GPC5: variants seen among roughly 807,000 people sequenced by gnomAD.
The protein encoded by GPC5 is glypican 5.
Under a neutral mutation model 53.9 loss-of-function variants are expected in GPC5, and 47 were observed. The observed-to-expected ratio is 0.87, with a 90% confidence interval of 0.69 to 1.11. The LOEUF is 1.11. Ranked by LOEUF, GPC5 falls within the 50% of genes most tolerant of loss-of-function variation. The pLI is 0.00. For missense variants in GPC5, 748 were observed against 713.1 expected (o/e 1.05, Z -0.56); for synonymous variants, 286 against 263.3 (o/e 1.09, Z -0.84).
intron 7 of GPC5, among the ~76,000 whole-genome samples, chr13:92,323,844 G>A (rs568194789): frequency 3.4e-4 from 52 of 151,954 alleles, no homozygotes; most frequent in African/African-American, 1.3e-3. Context: ...ATATTAGGGT[G>A]TTGGAAAACA....
In GPC5 at chr13:92,247,724, G is replaced by C. The variant is rs563037189; in HGVS notation, c.1561+102735G>C. Among the ~76,000 whole-genome samples the C allele has an allele frequency of 2.9e-4, 44 of 152,074 alleles. No individual in the cohort carries two copies. In the East Asian group the frequency reaches 7.2e-3, roughly 25 times the overall value. ...CTCCTAAGCAGAAAATGTCATTTTG[G>C]TTTCATCCTATGTTTAACTACCATA... On this transcript the variant is annotated intron_variant, in intron 7 of 7. Transcript: ENST00000377067.
At chr13:92,052,119 T>C (rs1483658446) in intron 6 of GPC5, among the ~76,000 whole-genome samples, 2 of 152,174 alleles carry the variant, frequency 1.3e-5, no homozygotes, top group Non-Finnish European at 2.9e-5. Context: ...TGACATCCCA[T>C]TAAAATTGGC....
chr13:92,704,291 A>G (rs1468036027), intron 7 of GPC5, among the ~76,000 whole-genome samples: 1 of 152,118 alleles, frequency 6.6e-6, no homozygotes, highest in African/African-American at 2.4e-5. Context: ...GTTTGGTATT[A>G]TGAAGTGCTG....
intron 3 of GPC5, among the ~76,000 whole-genome samples, chr13:91,699,738 G>C (rs2035955032): frequency 6.6e-6 from 1 of 152,140 alleles, no homozygotes; most frequent in Non-Finnish European, 1.5e-5. Context: ...TAATAAAGCA[G>C]AAAAGGAAGA....
chr13:91,694,289 T>A lies in GPC5; in HGVS notation c.1020+408T>A, dbSNP rs1178186876. On this transcript the variant is annotated intron_variant, in intron 3 of 7. Transcript: ENST00000377067. The stretch of plus-strand genomic sequence containing the variant: ...GGCATTATGTGTGCAAACTACTTAG[T>A]ATGGTACCTGGTACTCCAAAAATGG... Among the ~76,000 whole-genome samples, 3 of 152,324 alleles carry A rather than the reference T, an allele frequency of 2.0e-5. No individual in the cohort carries two copies. In the East Asian group the frequency reaches 5.8e-4, roughly 29 times the overall value.
rs2040576858 is a variant in GPC5, at chr13:92,003,563, C to A, written c.1401+95506C>A. Among the ~76,000 whole-genome samples the A allele has an allele frequency of 2.0e-5, 3 of 151,996 alleles. No homozygotes were observed. The South Asian group carries it at 6.2e-4, about 32-fold the overall frequency. ...TAACATTTAACAGATTATAGGATGT[C>A]AGTATTTCAAATCTAGTAAGGCTAA... On this transcript the variant is annotated intron_variant, in intron 6 of 7. Coordinates refer to ENST00000377067, the MANE Select transcript of GPC5 (RefSeq NM_004466.6).
chr13:92,192,972 T>C (rs1278410199), intron 7 of GPC5, among the ~76,000 whole-genome samples: 5 of 152,074 alleles, frequency 3.3e-5, no homozygotes, highest in Non-Finnish European at 1.5e-5. Flanking sequence ...GTCAGGAGTT[T>C]GAGACCAGCC....
intron 7 of GPC5, among the ~76,000 whole-genome samples, chr13:92,552,318 C>G (rs1267234890): frequency 6.6e-6 from 1 of 151,174 alleles, no homozygotes; most frequent in Non-Finnish European, 1.5e-5. Context: ...AGAGAGGTCA[C>G]AAAATAAGGA....
intron 7 of GPC5, among the ~76,000 whole-genome samples, chr13:92,203,593 T>C (rs2042310693): frequency 6.9e-6 from 1 of 143,902 alleles, no homozygotes. Flanking sequence ...CATATGTAAC[T>C]AACCTGCACA....
chr13:91,993,704 T>C (rs984062436), intron 6 of GPC5, among the ~76,000 whole-genome samples: 5 of 152,220 alleles, frequency 3.3e-5, no homozygotes, highest in African/African-American at 1.2e-4. Flanking sequence ...TACTCTTTTT[T>C]ATAGGTGAAA....
chr13:92,849,873 A>G (rs1328039589), intron 7 of GPC5, among the ~76,000 whole-genome samples: 1 of 152,230 alleles, frequency 6.6e-6, no homozygotes, highest in African/African-American at 2.4e-5. Context: ...CATATCAAGG[A>G]TGATCATCAA....
At chr13:91,803,777 G>GACACACACAC (rs200458829) in intron 5 of GPC5, among the ~76,000 whole-genome samples, 1 of 113,706 alleles carries the variant, frequency 8.8e-6, no homozygotes, top group African/African-American at 3.0e-5. Context: ...CAGACAGACA[G>GACACACACAC]ACAGACACAC....
At chr13:92,577,683 C>G (rs529795903) in intron 7 of GPC5, among the ~76,000 whole-genome samples, 1 of 152,032 alleles carries the variant, frequency 6.6e-6, no homozygotes, top group Non-Finnish European at 1.5e-5. Context: ...ATAAGTTTTG[C>G]TTTCATTTAT....
At chr13:92,360,995 C>G (rs1047372705) in intron 7 of GPC5, among the ~76,000 whole-genome samples, 3 of 151,676 alleles carry the variant, frequency 2.0e-5, no homozygotes, top group African/African-American at 4.9e-5. Flanking sequence ...TCAAACTCAG[C>G]CTCTATGCCA....
In GPC5 at chr13:92,109,435, T is replaced by G. The variant is rs540606759; in HGVS notation, c.1402-35395T>G. On this transcript the variant is annotated intron_variant, in intron 6 of 7. Transcript: ENST00000377067. Reference sequence around the variant, plus strand: ...CTCACTGAAACTGTTGTGGTCTTACTCTATTCAAACTCTTTCCTTCAATTG... The same window carrying G: ...CTCACTGAAACTGTTGTGGTCTTACGCTATTCAAACTCTTTCCTTCAATTG... Among the ~76,000 whole-genome samples, 4 of 152,312 alleles carry G rather than the reference T, an allele frequency of 2.6e-5. No homozygotes were observed. In the South Asian group the frequency reaches 8.3e-4, roughly 32 times the overall value.
intron 6 of GPC5, among the ~76,000 whole-genome samples, chr13:92,127,901 C>T (rs1006938815): frequency 1.3e-5 from 2 of 152,122 alleles, no homozygotes; most frequent in Admixed American, 6.6e-5. Flanking sequence ...TCACAATGTA[C>T]ACCAGGCCAG....
At chr13:92,565,682 A>T (rs1365699259) in intron 7 of GPC5, among the ~76,000 whole-genome samples, 1 of 152,096 alleles carries the variant, frequency 6.6e-6, no homozygotes, top group South Asian at 2.1e-4. Flanking sequence ...AAAAATATGT[A>T]TCTACATTTT....
intron 6 of GPC5, among the ~76,000 whole-genome samples, chr13:92,021,905 C>G (rs1255653161): frequency 6.6e-6 from 1 of 152,132 alleles, no homozygotes; most frequent in Non-Finnish European, 1.5e-5. Context: ...TCAAACTGTC[C>G]AGAATTCACT....
chr13:92,717,803 T>C (rs1043180371), intron 7 of GPC5, among the ~76,000 whole-genome samples: 1 of 152,198 alleles, frequency 6.6e-6, no homozygotes, highest in Non-Finnish European at 1.5e-5. Flanking sequence ...ATTTCATTTA[T>C]TGAAATAATG....
Sources: allele counts gnomAD v4.1 joint callset (sites outside exome capture counted in the v4.1 genomes callset), GRCh38; gene constraint gnomAD v4.1.1; transcripts MANE v1.5; gene names NCBI Gene and HGNC (gene_info 2026-07-23, HGNC 2026-07-21).